The following BABAM2 variants were observed in gnomAD, a reference collection of about 807,000 sequenced individuals.
BABAM2 encodes BRISC and BRCA1-A complex member 2.
In BABAM2, 31 loss-of-function variants were observed where a neutral mutation model predicts 54.7. That is an observed-to-expected ratio of 0.57 (90% CI 0.43 to 0.77). The LOEUF (loss-of-function observed/expected upper bound fraction) is 0.77, where lower values mean the gene tolerates loss of function less well. Among genes scored for constraint, BABAM2 ranks in the 30% least tolerant of loss-of-function variants. The pLI, the probability that BABAM2 is intolerant of heterozygous loss-of-function variation, is 0.00. For missense variants in BABAM2, 364 were observed against 455.8 expected, an observed-to-expected ratio of 0.80 and a Z score of 1.83; for synonymous variants, 167 against 162.9, an observed-to-expected ratio of 1.03 and a Z score of -0.19.
chr2:28,234,107 G>A (rs371515157), intron 7 of BABAM2, among the ~76,000 whole-genome samples: 20 of 152,202 alleles, frequency 1.3e-4, no homozygotes, highest in East Asian at 9.7e-4. Flanking sequence ...CCTGAACTCC[G>A]GTGACAGGCA....
At chr2:28,124,235 G>T (rs1379752073) in intron 6 of BABAM2, among the ~76,000 whole-genome samples, 1 of 152,168 alleles carries the variant, frequency 6.6e-6, no homozygotes, top group African/African-American at 2.4e-5. Context: ...ATCATAAAAT[G>T]AATTTGTTCC....
rs146412263 is a variant in BABAM2, at chr2:28,227,860, C to G, written c.681-9342C>G. 5.7e-3 allele frequency among the ~76,000 whole-genome samples: 865 copies of G among 152,316 alleles called. 7 individuals carry two copies. The highest frequency in any genetic ancestry group is 0.02 in the African/African-American group (815 of 41,572). On this transcript the variant is annotated intron_variant, in intron 7 of 11. Transcript: ENST00000379624. ...CTCACCTCCGACCTGCTGAATAAAC[C>G]TAGTAAATTGCCTTCTTTGGGGTGG...
Position 27,919,794 on chromosome 2 carries a change from T to C in BABAM2, c.129-10038T>C, listed in dbSNP as rs150699229. ...AAACCATATTGTAATTTAAACCACA[T>C]TTTTGTTATAGGGACACCTACCAAC... On this transcript the variant is annotated intron_variant, in intron 2 of 11. Coordinates refer to ENST00000379624, the MANE Select transcript of BABAM2 (RefSeq NM_199191.3). Among the ~76,000 whole-genome samples, 22 of 152,352 alleles carry C rather than the reference T, an allele frequency of 1.4e-4. No homozygotes were observed. The East Asian group carries it at 1.7e-3, about 12-fold the overall frequency.
intron 3 of BABAM2, among the ~76,000 whole-genome samples, chr2:27,952,521 GT>G (rs1317853857): frequency 6.6e-6 from 1 of 152,146 alleles, no homozygotes; most frequent in Non-Finnish European, 1.5e-5. Context: ...AGGAAACTAG[GT>G]GCTTAATGGA....
At chr2:27,932,392 T>G (rs1668159182) in intron 3 of BABAM2, among the ~76,000 whole-genome samples, 1 of 152,218 alleles carries the variant, frequency 6.6e-6, no homozygotes. Context: ...TGAATTATTT[T>G]AATTTTCCCT....
chr2:28,213,424 G>A (rs1374808552), intron 7 of BABAM2, among the ~76,000 whole-genome samples: 1 of 152,004 alleles, frequency 6.6e-6, no homozygotes, highest in African/African-American at 2.4e-5. Context: ...CAAATTGTTA[G>A]AAGTAATGGA....
chr2:28,138,072 C>T (rs748476486), intron 7 of BABAM2, among the ~76,000 whole-genome samples: 8 of 152,094 alleles, frequency 5.3e-5, no homozygotes, highest in Non-Finnish European at 1.0e-4. Context: ...CTTTTCACAC[C>T]GATCATTACT....
chr2:28,166,712 AG>A (rs1287042025), intron 7 of BABAM2, among the ~76,000 whole-genome samples: 2 of 152,150 alleles, frequency 1.3e-5, no homozygotes, highest in African/African-American at 4.8e-5. Flanking sequence ...ATGACATTAC[AG>A]TTATCTTTGG....
In BABAM2 at chr2:27,960,453, G is replaced by GT. The variant is rs930123110; in HGVS notation, c.206-27530dup. Among the ~76,000 whole-genome samples, 1,065 of 148,578 alleles carry GT rather than the reference G, an allele frequency of 7.2e-3. 10 individuals are homozygous for GT. Among genetic ancestry groups the GT allele is most frequent in the African/African-American group, 0.024 (984 of 40,518 alleles). On this transcript the variant is annotated intron_variant, in intron 3 of 11. Transcript: ENST00000379624. ...CAGAATTCAAAGAAAGATTGGTGTGGTTTTTTTTTTCTCCCCAGCTAGCAT... is the reference window on the plus strand; with the variant it reads ...CAGAATTCAAAGAAAGATTGGTGTGGTTTTTTTTTTTCTCCCCAGCTAGCAT...
chr2:28,148,368 T>C (rs1671702106), intron 7 of BABAM2, among the ~76,000 whole-genome samples: 1 of 152,190 alleles, frequency 6.6e-6, no homozygotes. Flanking sequence ...ACTAATAAGT[T>C]GCATTCCAAA....
At chr2:28,079,001 A>G (rs899664814) in intron 6 of BABAM2, among the ~76,000 whole-genome samples, 2 of 152,098 alleles carry the variant, frequency 1.3e-5, no homozygotes, top group African/African-American at 4.8e-5. Context: ...CAATTTTTCA[A>G]CTCTCATTGT....
intron 9 of BABAM2, among the ~76,000 whole-genome samples, chr2:28,244,269 A>G (rs2148076666): frequency 6.6e-6 from 1 of 152,268 alleles, no homozygotes; most frequent in South Asian, 2.1e-4. Flanking sequence ...AATATATAAT[A>G]CTAAATTTAG....
chr2:27,915,294 T>G (rs1033359938), intron 2 of BABAM2, among the ~76,000 whole-genome samples: 1 of 152,140 alleles, frequency 6.6e-6, no homozygotes, highest in African/African-American at 2.4e-5. Context: ...TATTTTTTGG[T>G]TTTGCAATTT....
intron 6 of BABAM2, among the ~76,000 whole-genome samples, chr2:28,116,099 G>C (rs1302190971): frequency 3.3e-5 from 5 of 151,302 alleles, no homozygotes; most frequent in Non-Finnish European, 7.4e-5. Flanking sequence ...TGGGCAACGA[G>C]AGCGAAACTC....
chr2:28,167,198 A>G (rs182406776), intron 7 of BABAM2, among the ~76,000 whole-genome samples: 19 of 152,334 alleles, frequency 1.2e-4, no homozygotes, highest in Admixed American at 1.2e-3. Flanking sequence ...CAGACTGAAT[A>G]CTTGCACCGT....
rs145371550 is a variant in BABAM2 at position 27,962,647 on chromosome 2, G to C, written c.206-25346G>C. Among the ~76,000 whole-genome samples the C allele has an allele frequency of 6.3e-3, 963 of 152,182 alleles. 7 individuals are homozygous for C. Among genetic ancestry groups the C allele is most frequent in the Non-Finnish European group, 7.9e-3 (536 of 67,998 alleles). ...AGGGATCAGAAAGAAATTTGATATG[G>C]TCAAAAGCAAATTTAATTAAAATAG... On this transcript the variant is annotated intron_variant, in intron 3 of 11. Coordinates refer to ENST00000379624, the MANE Select transcript of BABAM2 (RefSeq NM_199191.3).
intron 3 of BABAM2, among the ~76,000 whole-genome samples, chr2:27,977,988 G>A (rs1261590732): frequency 1.3e-5 from 2 of 152,168 alleles, no homozygotes; most frequent in East Asian, 3.8e-4. Flanking sequence ...CACACTAAGG[G>A]TTAGAGCTAA....
intron 3 of BABAM2, among the ~76,000 whole-genome samples, chr2:27,982,844 T>TATACACACACACAC (rs1553405520): frequency 7.9e-5 from 10 of 127,234 alleles, no homozygotes; most frequent in South Asian, 5.8e-4. Flanking sequence ...TCATTATGTG[T>TATACACACACACAC]ACACACACAC....
chr2:28,026,805 A>T (rs1362308128), intron 5 of BABAM2, among the ~76,000 whole-genome samples: 20 of 76,534 alleles, frequency 2.6e-4, no homozygotes, highest in African/African-American at 7.3e-4. Flanking sequence ...TTATATAAAA[A>T]ATATATAAAT....
Sources: gnomAD v4.1 joint callset for allele counts (sites outside exome capture counted in the v4.1 genomes callset) on GRCh38, gnomAD v4.1.1 for gene constraint, MANE v1.5 for transcripts, NCBI Gene and HGNC (gene_info 2026-07-23, HGNC 2026-07-21) for gene names.